Variants in GPM6B observed in about 807,000 individuals in gnomAD.
The protein encoded by GPM6B is glycoprotein M6B.
In GPM6B, 4 loss-of-function variants were observed where a neutral mutation model predicts 27.2. The ratio of observed to expected loss-of-function variants is 0.15; its 90% confidence interval spans 0.07 to 0.34. GPM6B has a LOEUF of 0.34. GPM6B is among the 10% of genes least tolerant of loss of function. The probability of loss-of-function intolerance (pLI) is 1.00; values close to 1 mark genes in which losing one functional copy is unlikely to be tolerated. For synonymous variants in GPM6B, 124 were observed against 103.1 expected (o/e 1.20, Z -1.23); for missense variants, 183 against 261.9 (o/e 0.70, Z 2.08).
At chrX:13,813,070 T>C (rs368913114) in intron 1 of GPM6B, among the ~76,000 whole-genome samples, 1 of 111,668 alleles carries the variant, frequency 9.0e-6, no homozygotes, top group African/African-American at 3.3e-5. Context: ...CATCTAAAAC[T>C]TCCTCTGTAC....
intron 1 of GPM6B, among the ~76,000 whole-genome samples, chrX:13,832,769 T>C (rs879232365): frequency 1.2e-4 from 13 of 111,740 alleles, no homozygotes; most frequent in Non-Finnish European, 2.1e-4. Context: ...CCTTTGAAAA[T>C]TGAAAAGCAT....
chrX:13,885,579 C>T (rs2147020671), intron 1 of GPM6B, among the ~76,000 whole-genome samples: 1 of 112,078 alleles, frequency 8.9e-6, no homozygotes, highest in South Asian at 3.7e-4. Flanking sequence ...GGCCCCTCCT[C>T]CTCAGTGAAA....
intron 2 of GPM6B, 77 bp from the exon 3 acceptor site, chrX:13,785,885 G>A (rs1227573448): frequency 1.2e-6 from 1 of 824,366 alleles, no homozygotes. Flanking sequence ...CATATTCACA[G>A]AGAAGGCTTA....
chrX:13,935,347 A>AAAC (rs1367844675), intron 1 of GPM6B, among the ~76,000 whole-genome samples: 2 of 103,040 alleles, frequency 1.9e-5, no homozygotes, highest in African/African-American at 7.6e-5. Context: ...AAAAAAAAAA[A>AAAC]AAAAAAAAAA....
intron 1 of GPM6B, among the ~76,000 whole-genome samples, chrX:13,858,047 T>C (rs1166959027): frequency 8.9e-6 from 1 of 112,504 alleles, no homozygotes; most frequent in African/African-American, 3.2e-5. Flanking sequence ...AAGTGCTGTG[T>C]ATATATCAGA....
intron 1 of GPM6B, among the ~76,000 whole-genome samples, chrX:13,831,658 G>A (rs181221312): frequency 3.6e-5 from 4 of 111,382 alleles, no homozygotes; most frequent in Non-Finnish European, 5.6e-5. Flanking sequence ...GGCTCCTGGC[G>A]TTCTTTGGGG....
chrX:13,929,359 G>A (rs868314826), intron 1 of GPM6B, among the ~76,000 whole-genome samples: 3 of 110,204 alleles, frequency 2.7e-5, no homozygotes, highest in Non-Finnish European at 3.8e-5. Context: ...TTTACTCCAA[G>A]GAAGAATGAC....
intron 1 of GPM6B, among the ~76,000 whole-genome samples, chrX:13,837,710 T>TGGGGGGGGG (rs771546203): frequency 4.4e-4 from 5 of 11,369 alleles, no homozygotes; most frequent in Non-Finnish European, 1.1e-3. Context: ...AGCAAGTTGG[T>TGGGGGGGGG]GGGGGGGGGG....
chrX:13,931,199 A>C (rs961180670), intron 1 of GPM6B, among the ~76,000 whole-genome samples: 12 of 108,747 alleles, frequency 1.1e-4, no homozygotes, highest in African/African-American at 3.7e-4. Flanking sequence ...CAAAAACAAA[A>C]CAACAACAAC....
chrX:13,929,273 A>G (rs952024922), intron 1 of GPM6B, among the ~76,000 whole-genome samples: 6 of 111,605 alleles, frequency 5.4e-5, no homozygotes, highest in Admixed American at 1.9e-4. Context: ...ACTAATCATT[A>G]GAAGTTACCA....
chrX:13,930,557 T>C (rs1416545865), intron 1 of GPM6B, among the ~76,000 whole-genome samples: 1 of 108,974 alleles, frequency 9.2e-6, no homozygotes, highest in Non-Finnish European at 1.9e-5. Context: ...AAGCTTGCAG[T>C]AAGCCGAGAT....
At chrX:13,911,178 G>A (rs2050375831) in intron 1 of GPM6B, among the ~76,000 whole-genome samples, 1 of 112,077 alleles carries the variant, frequency 8.9e-6, no homozygotes, top group Non-Finnish European at 1.9e-5. Context: ...AATGATACTA[G>A]TATATCCGAT....
chrX:13,793,642 AC>A (rs2048755608), intron 2 of GPM6B, among the ~76,000 whole-genome samples: 1 of 112,317 alleles, frequency 8.9e-6, no homozygotes, highest in Non-Finnish European at 1.9e-5. Context: ...TTCTTGGAAA[AC>A]ATTATAGAGC....
At chrX:13,871,153 G>T (rs766290166) in intron 1 of GPM6B, among the ~76,000 whole-genome samples, 71 of 111,984 alleles carry the variant, frequency 6.3e-4, no homozygotes, top group African/African-American at 2.3e-3. Flanking sequence ...TTCTCTGCCA[G>T]TTTCAGGAGA....
intron 1 of GPM6B, among the ~76,000 whole-genome samples, chrX:13,873,508 G>A (rs1486679575): frequency 8.9e-6 from 1 of 111,896 alleles, no homozygotes. Context: ...TGCCCAATGT[G>A]GTGAATAGAC....
chrX:13,929,501 C>T (rs1401685719), intron 1 of GPM6B, among the ~76,000 whole-genome samples: 1 of 110,855 alleles, frequency 9.0e-6, no homozygotes. Context: ...ACCTTTTAGA[C>T]AAGAAATCCT....
intron 1 of GPM6B, among the ~76,000 whole-genome samples, chrX:13,852,903 C>T (rs1399003864): frequency 9.1e-6 from 1 of 109,723 alleles, no homozygotes; most frequent in African/African-American, 3.3e-5. Context: ...GCCTCAGCCT[C>T]CCAAGTAGCT....
At chrX:13,884,298 T>C (rs2050113679) in intron 1 of GPM6B, among the ~76,000 whole-genome samples, 1 of 113,003 alleles carries the variant, frequency 8.8e-6, no homozygotes, top group South Asian at 3.6e-4. Context: ...CAGACAGTGC[T>C]GGTCTAGAAT....
At chrX:13,854,700 G>T (rs748045751) in intron 1 of GPM6B, among the ~76,000 whole-genome samples, 4 of 111,526 alleles carry the variant, frequency 3.6e-5, no homozygotes. Flanking sequence ...TTGAGATGAG[G>T]GATATGCTAA....
Sources: gnomAD v4.1 joint callset for allele counts (sites outside exome capture counted in the v4.1 genomes callset) on GRCh38, gnomAD v4.1.1 for gene constraint, MANE v1.5 for transcripts, NCBI Gene and HGNC (gene_info 2026-07-23, HGNC 2026-07-21) for gene names.